Variants in FAM120A observed in about 807,000 individuals in gnomAD.
The protein encoded by FAM120A is constitutive coactivator of PPAR-gamma-like protein 1.
In FAM120A, 15 loss-of-function variants were observed where a neutral mutation model predicts 109.7. The ratio of observed to expected loss-of-function variants is 0.14; its 90% CI spans 0.09 to 0.21. The LOEUF (loss-of-function observed/expected upper bound fraction) is 0.21. FAM120A is among the 10% of genes least tolerant of loss of function. The pLI, the probability that FAM120A is intolerant of heterozygous loss-of-function variation, is 1.00. For synonymous variants in FAM120A, 493 were observed against 572.8 expected, an observed-to-expected ratio of 0.86 and a Z score of 1.99; for missense variants, 899 against 1,439.3, an observed-to-expected ratio of 0.62 and a Z score of 6.07.
At chr9:93,469,283 A>G (rs535981964) in intron 1 of FAM120A, among the ~76,000 whole-genome samples, 16 of 152,240 alleles carry the variant, frequency 1.1e-4, no homozygotes, top group Non-Finnish European at 1.6e-4. Flanking sequence ...ACCTCCTTTT[A>G]GCCTCTGTTT....
intron 1 of FAM120A, among the ~76,000 whole-genome samples, chr9:93,463,227 G>A (rs1287029050): frequency 6.6e-6 from 1 of 152,014 alleles, no homozygotes; most frequent in Non-Finnish European, 1.5e-5. Flanking sequence ...ATGGGTGTGA[G>A]GTATTCAGTG....
chr9:93,502,476 T>C (rs539170307), intron 5 of FAM120A, among the ~76,000 whole-genome samples: 1 of 152,238 alleles, frequency 6.6e-6, no homozygotes, highest in Non-Finnish European at 1.5e-5. Context: ...CCTTTCTTTG[T>C]AAGCCTGTAA....
At chr9:93,513,343 G>A (rs1860420122) in intron 5 of FAM120A, among the ~76,000 whole-genome samples, 2 of 152,178 alleles carry the variant, frequency 1.3e-5, no homozygotes, top group African/African-American at 2.4e-5. Context: ...GCACGTGTGG[G>A]GTGTGTTTGT....
At chr9:93,502,246 A>C (rs1859832942) in intron 5 of FAM120A, among the ~76,000 whole-genome samples, 1 of 148,018 alleles carries the variant, frequency 6.8e-6, no homozygotes, top group African/African-American at 2.7e-5. Context: ...TTTTAGGGTA[A>C]TCATATTATA....
chr9:93,562,090 G>C, intron 16 of FAM120A, 118 bp from the exon 17 acceptor site: 1 of 845,604 alleles, frequency 1.2e-6, no homozygotes, highest in Non-Finnish European at 1.8e-6. Context: ...GCATAAATGG[G>C]TTAATTCAGT....
At chr9:93,530,829 A>G (rs1047036590) in intron 9 of FAM120A, 4 of 152,358 alleles carry the variant, frequency 2.6e-5, no homozygotes, top group Non-Finnish European at 4.4e-5. Context: ...TGAAGAAACA[A>G]CACTCATTCC....
chr9:93,479,080 AG>A lies in FAM120A; in HGVS notation c.804+2745del, dbSNP rs556982655. The stretch of plus-strand genomic sequence containing the variant: ...TTGAAATGATGAGAGGTTTAAGATT[AG>A]GGTATTGCATTTTTTTTTTTTTTTT... On this transcript the variant is annotated intron_variant, in intron 3 of 17. Transcript: ENST00000277165. 2.7e-5 allele frequency among the ~76,000 whole-genome samples: 4 copies of A among 145,544 alleles called. No homozygotes were observed. The South Asian group carries it at 8.6e-4, about 31-fold the overall frequency.
chr9:93,509,632 A>G (rs1860223540), intron 5 of FAM120A, among the ~76,000 whole-genome samples: 1 of 152,346 alleles, frequency 6.6e-6, no homozygotes, highest in South Asian at 2.1e-4. Flanking sequence ...AAAATGTTAT[A>G]TTAAATCCTC....
chr9:93,463,302 C>A (rs1482423260), intron 1 of FAM120A, among the ~76,000 whole-genome samples: 1 of 151,994 alleles, frequency 6.6e-6, no homozygotes, highest in African/African-American at 2.4e-5. Flanking sequence ...TTTCATGTCC[C>A]ACTCCCTTAT....
chr9:93,562,379 T>A, intron 17 of FAM120A, 75 bp downstream of exon 17: 1 of 1,102,940 alleles, frequency 9.1e-7, no homozygotes, highest in Non-Finnish European at 1.4e-6. Flanking sequence ...GCACTTCTAG[T>A]ACCTGCGCTC....
chr9:93,521,648 C>T (rs1860850534), intron 7 of FAM120A, among the ~76,000 whole-genome samples: 1 of 151,954 alleles, frequency 6.6e-6, no homozygotes, highest in South Asian at 2.1e-4. Flanking sequence ...ATGTCTCCTC[C>T]AGTTCCTTTG....
Position 93,452,417 on chromosome 9 carries a change from G to A in FAM120A, c.474+28G>A. The A allele has an allele frequency of 6.3e-7, 1 of 1,583,378 alleles. No homozygotes were observed. The highest frequency in any genetic ancestry group is 8.6e-7 in the Non-Finnish European group (1 of 1,166,146). ...GAGGCCGGGGATCCGGGCGGGCCGG[G>A]GACCGGGGCCGCGCCGCACCCCTAT... On this transcript the variant is annotated intron_variant, in intron 1 of 17. Coordinates refer to ENST00000277165, the MANE Select transcript of FAM120A (RefSeq NM_014612.5). This position sits in a 1 kb window ranked among gnomAD's most constrained non-coding sequence, Gnocchi z 7.0.
intron 5 of FAM120A, among the ~76,000 whole-genome samples, chr9:93,505,407 A>G (rs1860002320): frequency 6.6e-6 from 1 of 152,126 alleles, no homozygotes; most frequent in Non-Finnish European, 1.5e-5. Flanking sequence ...GCTTATTCAT[A>G]GGGATACTTA....
At chr9:93,477,130 G>A (rs993856162) in intron 3 of FAM120A, among the ~76,000 whole-genome samples, 3 of 152,022 alleles carry the variant, frequency 2.0e-5, no homozygotes, top group African/African-American at 4.8e-5. Context: ...AAAGAGTGGC[G>A]GTTAAATTGG....
At chr9:93,516,299 C>T (rs754126369) in intron 7 of FAM120A, 30 bp downstream of exon 7, 3 of 1,598,060 alleles carry the variant, frequency 1.9e-6, no homozygotes, top group Non-Finnish European at 1.7e-6. Context: ...CTGGGTGCTT[C>T]CTGGCGGGTA....
chr9:93,497,785 A>G (rs147076322), intron 4 of FAM120A, among the ~76,000 whole-genome samples, 186 bp downstream of exon 4: 1 of 152,308 alleles, frequency 6.6e-6, no homozygotes, highest in Non-Finnish European at 1.5e-5. Context: ...TAGCCTGGTC[A>G]TGTTCCCTGC....
intron 12 of FAM120A, among the ~76,000 whole-genome samples, chr9:93,554,381 CT>C (rs1486904009): frequency 2.0e-5 from 3 of 152,122 alleles, no homozygotes; most frequent in African/African-American, 4.8e-5. Flanking sequence ...TAAGAAACAC[CT>C]GCAGGGGCTG....
At chr9:93,546,956 A>G (rs558217714) in intron 11 of FAM120A, among the ~76,000 whole-genome samples, 1 of 152,316 alleles carries the variant, frequency 6.6e-6, no homozygotes, top group African/African-American at 2.4e-5. Context: ...TGCTTTTACT[A>G]GTGATGTTAA....
chr9:93,486,553 A>T (rs1437567674), intron 3 of FAM120A, among the ~76,000 whole-genome samples: 24 of 108,542 alleles, frequency 2.2e-4, no homozygotes, highest in South Asian at 2.8e-4. Flanking sequence ...TTTTTTTGAG[A>T]CTCACTTTTT....
Sources: allele counts gnomAD v4.1 joint callset (sites outside exome capture counted in the v4.1 genomes callset), GRCh38; gene constraint gnomAD v4.1.1; non-coding constraint Gnocchi (gnomAD v3.1); transcripts MANE v1.5; gene names NCBI Gene and HGNC (gene_info 2026-07-23, HGNC 2026-07-21).